HYAL4: variants seen among roughly 807,000 people sequenced by gnomAD.
The protein encoded by HYAL4 is hyaluronidase 4.
A neutral mutation model predicts 35.2 loss-of-function variants in HYAL4; 37 were observed. That is an observed-to-expected ratio of 1.05 (90% CI 0.81 to 1.38). The LOEUF (loss-of-function observed/expected upper bound fraction) is 1.38. HYAL4 is among the 40% of genes most tolerant of loss of function. HYAL4 has a pLI of 0.00. For synonymous variants in HYAL4, 198 were observed against 203.2 expected, an observed-to-expected ratio of 0.97 and a Z score of 0.22; for missense variants, 572 against 572.4, an observed-to-expected ratio of 1.00 and a Z score of 0.01.
Position 123,877,105 on chromosome 7 carries a change from A to T in HYAL4, c.1396A>T (p.Met466Leu). ...GGTTTCCCCTTCTCCTGGTTCACTA[A>T]TGACACTTTGTCTACTGCTTTTAGC... is the stretch of plus-strand genomic sequence containing the variant. ...SGVSPSPGSL[M>L]TLCLLLLASY... Residue 466 changes from methionine (M) to leucine (L), a missense_variant, in exon 5 of 5, where the codon ATG becomes TTG. Coordinates refer to ENST00000223026, the MANE Select transcript of HYAL4 (RefSeq NM_012269.3). 1 of 1,614,200 alleles carries T rather than the reference A, an allele frequency of 6.2e-7. No individual in the cohort carries two copies. Among genetic ancestry groups the T allele is most frequent in the African/African-American group, 1.3e-5 (1 of 75,066 alleles).
chr7:123,858,031 T>C (rs764626453), intron 2 of HYAL4, among the ~76,000 whole-genome samples: 13 of 152,060 alleles, frequency 8.5e-5, no homozygotes, highest in Non-Finnish European at 5.9e-5. Context: ...ACCCTGTCTC[T>C]GCCAAAATAT....
At chr7:123,841,915 C>G (rs745560349), upstream of HYAL4, among the ~76,000 whole-genome samples, 1 of 151,814 alleles carries the variant, frequency 6.6e-6, no homozygotes, top group East Asian at 1.9e-4. Flanking sequence ...AGCAGTCTAT[C>G]GATTTTGTTG....
chr7:123,816,046 G>A, the HYAL4 span, among the ~76,000 whole-genome samples: 1 of 152,142 alleles, frequency 6.6e-6, no homozygotes, highest in East Asian at 1.9e-4. Context: ...AAATTTGGAA[G>A]AATCTCATGG....
Position 123,868,260 on chromosome 7 carries a change from A to C in HYAL4, c.-14A>C, listed in dbSNP as rs368723971. On this transcript the variant is annotated 5_prime_UTR_variant, in exon 3 of 5. Transcript: ENST00000223026. ...GCACTAAAGCAGAAGATAACGTAAC[A>C]TTTTTATCTTACCATGAAAGTATTA... The C allele has an allele frequency of 6.9e-7, 1 of 1,453,332 alleles. No homozygotes were observed. Among genetic ancestry groups the C allele is most frequent in the Admixed American group, 2.4e-5 (1 of 42,192 alleles). 90.0% of individuals were successfully genotyped at this position (1,453,332 alleles called of 1,614,324 possible). A position where few individuals can be genotyped will look rare whatever the true frequency, so the allele number is the denominator to read the frequency against.
At chr7:123,838,548 A>G (rs1224043939) in intron 1 of HYAL4, among the ~76,000 whole-genome samples, 1 of 151,396 alleles carries the variant, frequency 6.6e-6, no homozygotes, top group Non-Finnish European at 1.5e-5. Context: ...AAATGATGTC[A>G]TAAACAGAAA....
chr7:123,774,762 A>G, the HYAL4 span, among the ~76,000 whole-genome samples: 1 of 151,910 alleles, frequency 6.6e-6, no homozygotes, highest in Non-Finnish European at 1.5e-5. Context: ...GTGTTCTCTC[A>G]CCTCTGGGTC....
chr7:123,867,528 T>G (rs560164457), intron 2 of HYAL4, among the ~76,000 whole-genome samples: 1 of 152,284 alleles, frequency 6.6e-6, no homozygotes, highest in South Asian at 2.1e-4. Context: ...ATAACTTTCT[T>G]AAGTTTTACC....
chr7:123,790,656 T>A, the HYAL4 span: 1 of 150,630 alleles, frequency 6.6e-6, no homozygotes, highest in Non-Finnish European at 1.5e-5. Flanking sequence ...GCAGGGGCCA[T>A]GCTAATCTTC....
intron 3 of HYAL4, 91 bp from the exon 4 acceptor site, chr7:123,874,670 G>C (rs941968976): frequency 6.9e-6 from 5 of 728,032 alleles, no homozygotes; most frequent in Admixed American, 6.4e-5. Flanking sequence ...CTCCCAAAGT[G>C]CTGGGATTAC....
At chr7:123,770,770 AAAAGT>A in the HYAL4 span, among the ~76,000 whole-genome samples, 5 of 151,432 alleles carry the variant, frequency 3.3e-5, no homozygotes. Context: ...GTGCTTTAAG[AAAAGT>A]AATTTATCAA....
the HYAL4 span, among the ~76,000 whole-genome samples, chr7:123,812,168 A>G: frequency 6.6e-6 from 1 of 152,038 alleles, no homozygotes. Context: ...CAATGTGTGG[A>G]ATTATGTTGC....
In HYAL4 at chr7:123,876,873, A is replaced by G; in HGVS notation, c.1164A>G (p.Ile388Met). ...TCTGCAGGAACAATGGCAGGTGCATAAGGAAGATGTGGAACGCGCCCAGTT... is the reference window on the plus strand; with the variant it reads ...TCTGCAGGAACAATGGCAGGTGCATGAGGAAGATGTGGAACGCGCCCAGTT... Reference protein sequence around the residue: ...LHLCRNNGRCIRKMWNAPSYL... With the variant: ...LHLCRNNGRCMRKMWNAPSYL... The change falls in exon 5 of 5, where the codon ATA (isoleucine) becomes ATG (methionine). Residue 388 changes from isoleucine to methionine, a missense_variant. Transcript: ENST00000223026. 1 of 1,614,180 alleles carries G rather than the reference A, an allele frequency of 6.2e-7. No homozygotes were observed. The highest frequency in any genetic ancestry group is 2.2e-5 in the East Asian group (1 of 44,880).
At chr7:123,874,359 C>A (rs1487457902) in intron 3 of HYAL4, among the ~76,000 whole-genome samples, 1 of 152,016 alleles carries the variant, frequency 6.6e-6, no homozygotes, top group East Asian at 1.9e-4. Context: ...CAGTACCAGC[C>A]CTGTTATACT....
chr7:123,818,686 A>G, the HYAL4 span, among the ~76,000 whole-genome samples: 3 of 152,278 alleles, frequency 2.0e-5, no homozygotes, highest in African/African-American at 7.2e-5. Context: ...ATATTTCTCA[A>G]ATAAATCTAA....
the HYAL4 span, among the ~76,000 whole-genome samples, chr7:123,773,994 G>A: frequency 2.6e-5 from 4 of 152,012 alleles, no homozygotes; most frequent in Non-Finnish European, 4.4e-5. Flanking sequence ...ACATGGTCTC[G>A]CATGTTTAAT....
chr7:123,808,033 C>A, the HYAL4 span, among the ~76,000 whole-genome samples: 1 of 151,272 alleles, frequency 6.6e-6, no homozygotes, highest in Non-Finnish European at 1.5e-5. Flanking sequence ...CCTCGGCCCC[C>A]CAAAGTGGTG....
At chr7:123,764,897 TAAGAA>T in the HYAL4 span, among the ~76,000 whole-genome samples, 23 of 152,270 alleles carry the variant, frequency 1.5e-4, no homozygotes, top group East Asian at 3.7e-3. Flanking sequence ...AACAATCTGA[TAAGAA>T]AAGAAAACAA....
chr7:123,803,355 G>A, the HYAL4 span, among the ~76,000 whole-genome samples: 2 of 152,110 alleles, frequency 1.3e-5, no homozygotes, highest in South Asian at 2.1e-4. Context: ...AAAGAATGCC[G>A]CCTTCACTAG....
intron 2 of HYAL4, among the ~76,000 whole-genome samples, chr7:123,865,447 T>C (rs1806664828): frequency 6.6e-6 from 1 of 152,194 alleles, no homozygotes; most frequent in African/African-American, 2.4e-5. Flanking sequence ...GAAAATACTA[T>C]TCTCTTCAAA....
Sources: allele counts gnomAD v4.1 joint callset (sites outside exome capture counted in the v4.1 genomes callset), GRCh38; gene constraint gnomAD v4.1.1; transcripts MANE v1.5; gene names NCBI Gene and HGNC (gene_info 2026-07-23, HGNC 2026-07-21).